Variants in CEP85L observed in about 807,000 individuals in gnomAD.
The protein encoded by CEP85L is centrosomal protein of 85 kDa-like.
CEP85L carries 60 observed loss-of-function variants against 100.3 expected under a neutral mutation model. The observed-to-expected ratio is 0.60, with a 90% CI of 0.49 to 0.74. The LOEUF (loss-of-function observed/expected upper bound fraction) is 0.74, where lower values mean the gene tolerates loss of function less well. Among genes scored for constraint, CEP85L ranks in the 30% least tolerant of loss-of-function variants. The probability of loss-of-function intolerance (pLI) is 0.00; values close to 1 mark genes in which losing one functional copy is unlikely to be tolerated. For missense variants in CEP85L, 973 were observed against 936.2 expected (o/e 1.04, Z -0.51); for synonymous variants, 319 against 322.7 (o/e 0.99, Z 0.12).
chr6:118,632,277 C>T (rs1252095774), intron 2 of CEP85L, among the ~76,000 whole-genome samples, 176 bp downstream of exon 2: 1 of 152,160 alleles, frequency 6.6e-6, no homozygotes, highest in Non-Finnish European at 1.5e-5. Context: ...GCATGAGCCA[C>T]CGCGCCCGGT....
At chr6:118,609,673 C>G (rs988383674) in intron 2 of CEP85L, among the ~76,000 whole-genome samples, 1 of 151,682 alleles carries the variant, frequency 6.6e-6, no homozygotes, top group African/African-American at 2.4e-5. Flanking sequence ...CAAAAGAGAT[C>G]AGAACAAAAT....
chr6:118,517,947 G>T lies in CEP85L; in HGVS notation c.1139+5855C>A, dbSNP rs146882896. Among the ~76,000 whole-genome samples, 564 of 152,264 alleles carry T rather than the reference G, an allele frequency of 3.7e-3. 3 individuals are homozygous for T. Among genetic ancestry groups the T allele is most frequent in the African/African-American group, 0.013 (538 of 41,538 alleles). On this transcript the variant is annotated intron_variant, in intron 4 of 12. Transcript: ENST00000368491. ...TTTATTGAGTTTTTAGCATGAAGGGGTGTCGAATTTTATCGAAGGCCTTTT... is the reference window on the plus strand; with the variant it reads ...TTTATTGAGTTTTTAGCATGAAGGGTTGTCGAATTTTATCGAAGGCCTTTT...
chr6:118,591,432 G>C (rs982023023), intron 2 of CEP85L, among the ~76,000 whole-genome samples: 2 of 152,082 alleles, frequency 1.3e-5, no homozygotes, highest in Non-Finnish European at 2.9e-5. Context: ...CATGGGCCAA[G>C]TCTTCATTTG....
chr6:118,529,054 G>T (rs1203498221), intron 3 of CEP85L, among the ~76,000 whole-genome samples: 3 of 152,130 alleles, frequency 2.0e-5, no homozygotes, highest in African/African-American at 7.2e-5. Flanking sequence ...AATAAATCAG[G>T]TATCTACCCC....
intron 2 of CEP85L, 82 bp downstream of exon 2, chr6:118,632,371 A>T: frequency 1.9e-6 from 2 of 1,054,554 alleles, no homozygotes; most frequent in Non-Finnish European, 1.4e-6. Context: ...AGTATGAAAC[A>T]ATAAAACATA....
chr6:118,598,306 T>C lies in CEP85L; in HGVS notation c.233-31990A>G, dbSNP rs182897045. On this transcript the variant is annotated intron_variant, in intron 2 of 12. Transcript: ENST00000368491. ...GTCCAGCACTTTTTTAATGATTTTC[T>C]GTTTAACCACGTAGTGTGTATAGAG... 3.4e-3 allele frequency among the ~76,000 whole-genome samples: 514 copies of C among 152,336 alleles called. 4 individuals carry two copies. The highest frequency in any genetic ancestry group is 0.012 in the African/African-American group (497 of 41,566).
chr6:118,503,153 A>C (rs1775414221), intron 5 of CEP85L, among the ~76,000 whole-genome samples: 1 of 152,228 alleles, frequency 6.6e-6, no homozygotes, highest in Non-Finnish European at 1.5e-5. Flanking sequence ...TCAACAATGA[A>C]CAAGTGGAAT....
intron 10 of CEP85L, among the ~76,000 whole-genome samples, chr6:118,471,453 T>C (rs1772946685): frequency 6.6e-6 from 1 of 151,990 alleles, no homozygotes; most frequent in Non-Finnish European, 1.5e-5. Context: ...GTATTTAGTC[T>C]CAATTCTGAC....
chr6:118,491,339 A>T (rs1774558250), intron 6 of CEP85L: 1 of 377,220 alleles, frequency 2.7e-6, no homozygotes, highest in Non-Finnish European at 3.9e-6. Context: ...CATCATTATT[A>T]AAGATAGGCC....
chr6:118,651,525 G>C lies in CEP85L; in HGVS notation c.-256C>G, dbSNP rs1189100699. 1.1e-5 allele frequency: 14 copies of C among 1,274,540 alleles called. No individual in the cohort carries two copies. The highest frequency in any genetic ancestry group is 4.7e-5 in the African/African-American group (3 of 64,200). The allele number at this position is 1,274,540 out of a possible 1,614,324, so 79.0% of individuals were successfully genotyped here. ...GGGGAAGCGGCGACTCGGCGGTGAC[G>C]GCTGCTAGATCCCCGGCTGAGCCCA... On this transcript the variant is annotated 5_prime_UTR_variant, in exon 1 of 13. Transcript: ENST00000368491.
intron 2 of CEP85L, among the ~76,000 whole-genome samples, chr6:118,599,904 T>C (rs1280361793): frequency 1.3e-5 from 2 of 152,108 alleles, no homozygotes; most frequent in African/African-American, 4.8e-5. Flanking sequence ...AGGAAGAGAA[T>C]GAGAAACCGT....
At chr6:118,684,870 C>T (rs1776782795) in intron 1 of CEP85L, among the ~76,000 whole-genome samples, 2 of 152,086 alleles carry the variant, frequency 1.3e-5, no homozygotes, top group South Asian at 4.2e-4. Context: ...CAGGCTGGTC[C>T]TGAACTGCTG....
At chr6:118,551,068 A>G (rs1583028352) in intron 3 of CEP85L, among the ~76,000 whole-genome samples, 1 of 152,024 alleles carries the variant, frequency 6.6e-6, no homozygotes, top group African/African-American at 2.4e-5. Flanking sequence ...CCTTCAATTC[A>G]TCTGATACCT....
chr6:118,535,329 A>AG (rs1483424923), intron 3 of CEP85L, among the ~76,000 whole-genome samples: 2 of 152,346 alleles, frequency 1.3e-5, no homozygotes, highest in Admixed American at 1.3e-4. Context: ...CTTCTGCAAA[A>AG]GGCAAAACAA....
intron 5 of CEP85L, among the ~76,000 whole-genome samples, chr6:118,494,547 A>C (rs1190391260): frequency 1.3e-5 from 2 of 152,148 alleles, no homozygotes; most frequent in Admixed American, 1.3e-4. Flanking sequence ...TCCCTGTGGA[A>C]ATACCAACTC....
intron 3 of CEP85L, among the ~76,000 whole-genome samples, chr6:118,544,213 GA>G (rs1778069767): frequency 6.6e-6 from 1 of 152,158 alleles, no homozygotes; most frequent in Non-Finnish European, 1.5e-5. Context: ...TCATGATCGG[GA>G]CCCTATAGAA....
intron 10 of CEP85L, among the ~76,000 whole-genome samples, chr6:118,472,710 G>A (rs1773058197): frequency 6.6e-6 from 1 of 152,112 alleles, no homozygotes; most frequent in African/African-American, 2.4e-5. Flanking sequence ...TCTGAAACGA[G>A]TGTTTGGCCT....
At chr6:118,468,513 CA>C (rs1772698930) in intron 12 of CEP85L, among the ~76,000 whole-genome samples, 1 of 152,114 alleles carries the variant, frequency 6.6e-6, no homozygotes, top group African/African-American at 2.4e-5. Context: ...GCAGCTCCCA[CA>C]ATTATGTGTG....
intron 3 of CEP85L, among the ~76,000 whole-genome samples, chr6:118,556,712 A>G (rs911323580): frequency 5.3e-5 from 8 of 152,200 alleles, no homozygotes; most frequent in African/African-American, 1.9e-4. Context: ...TAACAATAAT[A>G]TATCAACAAA....
Sources: gnomAD v4.1 joint callset for allele counts (sites outside exome capture counted in the v4.1 genomes callset) on GRCh38, gnomAD v4.1.1 for gene constraint, MANE v1.5 for transcripts, NCBI Gene and HGNC (gene_info 2026-07-23, HGNC 2026-07-21) for gene names.